KTN1: variants seen among roughly 807,000 people sequenced by gnomAD.
KTN1 encodes the protein kinectin.
A neutral mutation model predicts 222.5 loss-of-function variants in KTN1; 130 were observed. The ratio of observed to expected loss-of-function variants is 0.58; its 90% CI spans 0.51 to 0.68. KTN1 has a LOEUF of 0.68. Ranked by LOEUF, KTN1 falls within the 30% of genes least tolerant of loss-of-function variation. The pLI, the probability that KTN1 is intolerant of heterozygous loss-of-function variation, is 0.00. For synonymous variants in KTN1, 512 were observed against 496.3 expected (o/e 1.03, Z -0.42); for missense variants, 1,508 against 1,500.4 (o/e 1.01, Z -0.08).
chr14:55,644,554 A>G, intron 18 of KTN1: 1 of 478,470 alleles, frequency 2.1e-6, no homozygotes, highest in Non-Finnish European at 3.7e-6. Context: ...TTTACTCAGA[A>G]TAAGACTTTT....
chr14:55,662,408 T>C (rs964948872), intron 32 of KTN1, among the ~76,000 whole-genome samples: 1 of 152,146 alleles, frequency 6.6e-6, no homozygotes, highest in Non-Finnish European at 1.5e-5. Flanking sequence ...GTTCAAATTT[T>C]GGTAATTAAG....
At chr14:55,679,518 C>A (rs755175813) in intron 42 of KTN1, 47 bp from the exon 43 acceptor site, 2 of 1,511,256 alleles carry the variant, frequency 1.3e-6, no homozygotes, top group East Asian at 2.3e-5. Context: ...TTTTACATTT[C>A]TTTTCCTTGT....
At chr14:55,657,056 G>T (rs2043559045) in intron 29 of KTN1, among the ~76,000 whole-genome samples, 1 of 151,838 alleles carries the variant, frequency 6.6e-6, no homozygotes, top group East Asian at 1.9e-4. Context: ...TGCCTACATT[G>T]TCTTGGATTA....
chr14:55,662,076 T>C (rs866637904), intron 32 of KTN1, among the ~76,000 whole-genome samples: 90 of 151,182 alleles, frequency 6.0e-4, no homozygotes, highest in African/African-American at 2.0e-3. Context: ...GCCCTTTTTT[T>C]TTTTTTTTTT....
At chr14:55,608,949 G>GT (rs1298865801) in intron 1 of KTN1, among the ~76,000 whole-genome samples, 2 of 151,424 alleles carry the variant, frequency 1.3e-5, no homozygotes, top group African/African-American at 2.4e-5. Context: ...CTTTCTATAT[G>GT]TTTTTTTCTT....
chr14:55,672,402 A>T, intron 37 of KTN1: 1 of 399,394 alleles, frequency 2.5e-6, no homozygotes, highest in Non-Finnish European at 4.5e-6. Context: ...ACTAATAAAA[A>T]ATTAATCACT....
chr14:55,608,849 C>T (rs915118517), intron 1 of KTN1, among the ~76,000 whole-genome samples: 1 of 151,906 alleles, frequency 6.6e-6, no homozygotes, highest in African/African-American at 2.4e-5. Flanking sequence ...AGACTGCTCT[C>T]GAATTCCTGA....
Position 55,656,145 on chromosome 14 carries a change from A to G in KTN1, c.2892+13A>G. 6.6e-7 allele frequency: 1 copy of G among 1,512,398 alleles called. No individual in the cohort carries two copies. The highest frequency in any genetic ancestry group is 9.1e-7 in the Non-Finnish European group (1 of 1,101,994). 93.7% of individuals were successfully genotyped at this position (1,512,398 alleles called of 1,614,324 possible). The stretch of plus-strand genomic sequence containing the variant: ...ACAGCTGTTACAGGTGAATATGGTG[A>G]CTTAAAATTAATTATTTTGTAAATT... On this transcript the variant is annotated intron_variant, in intron 29 of 43. Coordinates refer to ENST00000395314, the MANE Select transcript of KTN1 (RefSeq NM_001079521.2).
At chr14:55,683,139 G>A (rs1036247324) in intron 43 of KTN1, 1 of 152,116 alleles carries the variant, frequency 6.6e-6, no homozygotes, top group Admixed American at 6.5e-5. Context: ...CTATCATATG[G>A]ATCAGGTTTT....
At position 55,619,191 on chromosome 14, in the gene KTN1, A is replaced by C. The variant is rs2038799022; in HGVS notation, c.842A>C (p.Glu281Ala). The change falls in exon 5 of 44, where the codon GAA becomes GCA. Residue 281 changes from glutamate to alanine, a missense_variant. Glu to Ala is a moderately radical substitution (Grantham distance 107, BLOSUM62 -1). Coordinates refer to ENST00000395314, the MANE Select transcript of KTN1 (RefSeq NM_001079521.2). ...TTTTTTTCAAATTAAGAAAATGCTG[A>C]AGTGAAGTTTAAAGATTTTCTTCTG... is the stretch of plus-strand genomic sequence containing the variant. ...LKTETDKENA[E>A]VKFKDFLLSL... The C allele has an allele frequency of 6.2e-7, 1 of 1,603,816 alleles. No individual in the cohort carries two copies. Among genetic ancestry groups the C allele is most frequent in the South Asian group, 1.1e-5 (1 of 90,144 alleles).
intron 5 of KTN1, among the ~76,000 whole-genome samples, chr14:55,625,965 C>T (rs536437131): frequency 6.6e-6 from 1 of 152,116 alleles, no homozygotes; most frequent in Admixed American, 6.5e-5. Flanking sequence ...CTGACCTACT[C>T]TACACACATC....
chr14:55,634,521 T>C lies in KTN1; in HGVS notation c.1329-5T>C, dbSNP rs2040893050. 6.2e-7 allele frequency: 1 copy of C among 1,603,000 alleles called. No individual in the cohort carries two copies. The highest frequency in any genetic ancestry group is 8.5e-7 in the Non-Finnish European group (1 of 1,176,736). On this transcript the variant is annotated splice_region_variant and splice_polypyrimidine_tract_variant and intron_variant, in intron 8 of 43. Coordinates refer to ENST00000395314, the MANE Select transcript of KTN1 (RefSeq NM_001079521.2). ...GAAGGCTCCTAATCCAGTTACTGTT[T>C]TCAGGCAGTCTGCAGAACTAAATAA...
At chr14:55,597,534 TC>T (rs1316528997) in intron 1 of KTN1, among the ~76,000 whole-genome samples, 1 of 152,190 alleles carries the variant, frequency 6.6e-6, no homozygotes, top group Non-Finnish European at 1.5e-5. Flanking sequence ...GATAGGAATT[TC>T]CCTGTGGAAT....
At chr14:55,659,268 G>A (rs977184723) in intron 30 of KTN1, among the ~76,000 whole-genome samples, 6 of 150,796 alleles carry the variant, frequency 4.0e-5, no homozygotes, top group African/African-American at 1.5e-4. Context: ...TGTTAAACGT[G>A]AGGAAACATA....
intron 5 of KTN1, among the ~76,000 whole-genome samples, chr14:55,627,443 A>G (rs1430781976): frequency 1.3e-5 from 2 of 151,472 alleles, no homozygotes; most frequent in Admixed American, 6.6e-5. Context: ...AGCACCTTTT[A>G]TTTTTTATTT....
At chr14:55,677,861 G>C (rs746556285) in intron 41 of KTN1, among the ~76,000 whole-genome samples, 10 of 152,124 alleles carry the variant, frequency 6.6e-5, no homozygotes, top group Non-Finnish European at 1.2e-4. Flanking sequence ...ACCACACCTG[G>C]CTAATTTTGT....
At chr14:55,641,017 T>C (rs764692895) in intron 16 of KTN1, 47 bp downstream of exon 16, 1 of 1,537,694 alleles carries the variant, frequency 6.5e-7, no homozygotes, top group Non-Finnish European at 9.0e-7. Flanking sequence ...TTATGTTTAA[T>C]TATAATTGTT....
chr14:55,636,312 GA>G, intron 9 of KTN1, 136 bp from the exon 10 acceptor site: 2 of 616,470 alleles, frequency 3.2e-6, no homozygotes, highest in South Asian at 4.1e-5. Flanking sequence ...TTGTCTTATT[GA>G]AATGTAGGAG....
At position 55,631,341 on chromosome 14, in the gene KTN1, G is replaced by GATTGATATATATATAT. The variant is rs1555371423; in HGVS notation, c.1221+1246_1221+1247insTGATATATATATATAT. Among the ~76,000 whole-genome samples, 435 of 114,666 alleles carry GATTGATATATATATAT rather than the reference G, an allele frequency of 3.8e-3. 6 individuals are homozygous for GATTGATATATATATAT. The highest frequency in any genetic ancestry group is 8.9e-3 in the Middle Eastern group (2 of 224). The allele number at this position is 114,666 out of a possible 152,430, so 75.2% of individuals were successfully genotyped here. On this transcript the variant is annotated intron_variant, in intron 7 of 43. Coordinates refer to ENST00000395314, the MANE Select transcript of KTN1 (RefSeq NM_001079521.2). ...CTAAAACTCACCTATTGATAAGGTT[G>GATTGATATATATATAT]ATATATATATATATATATATATATA...
Sources: allele counts gnomAD v4.1 joint callset (sites outside exome capture counted in the v4.1 genomes callset), GRCh38; gene constraint gnomAD v4.1.1; transcripts MANE v1.5; gene names NCBI Gene and HGNC (gene_info 2026-07-23, HGNC 2026-07-21).